The following E4F1 variants were observed in gnomAD, a reference collection of about 807,000 sequenced individuals.
E4F1 encodes transcription factor E4F1.
A neutral mutation model predicts 72.9 loss-of-function variants in E4F1; 30 were observed. That is an observed-to-expected ratio of 0.41 (90% CI 0.31 to 0.56). E4F1 has a LOEUF of 0.56. Ranked by LOEUF, E4F1 falls within the 20% of genes least tolerant of loss-of-function variation. E4F1 has a pLI of 0.25. For synonymous variants in E4F1, 542 were observed against 478.2 expected, an observed-to-expected ratio of 1.13 and a Z score of -1.74; for missense variants, 1,091 against 1,117.5, an observed-to-expected ratio of 0.98 and a Z score of 0.34.
chr16:2,233,220 C>T (rs1443885671), intron 7 of E4F1, 37 bp downstream of exon 7: 1 of 1,565,196 alleles, frequency 6.4e-7, no homozygotes, highest in South Asian at 1.2e-5. Flanking sequence ...GCTGCTCTGT[C>T]TTCTGCCTGC....
At chr16:2,229,397 C>T (rs987772566) in intron 2 of E4F1, among the ~76,000 whole-genome samples, 173 bp from the exon 3 acceptor site, 3 of 152,186 alleles carry the variant, frequency 2.0e-5, no homozygotes, top group African/African-American at 7.2e-5. Context: ...GACCGGTGGT[C>T]GTGTTGGGGA....
rs1461431749 is a variant in E4F1, at chr16:2,233,451, A to G, written c.1070A>G (p.Gln357Arg). The G allele has an allele frequency of 2.0e-6, 3 of 1,508,716 alleles. No individual in the cohort carries two copies. The highest frequency in any genetic ancestry group is 1.8e-6 in the Non-Finnish European group (2 of 1,134,522). 93.5% of individuals were successfully genotyped at this position (1,508,716 alleles called of 1,614,324 possible). Residue 357 changes from glutamine to arginine, a missense_variant, in exon 8 of 14, where the codon CAG becomes CGG. This residue lies in a region of E4F1 where 622 missense variants were observed against 628.0 expected (regional missense o/e 0.99). Transcript: ENST00000301727. ...KALAPEPPVSQELPCSSEGSR... is the reference protein window; with the variant it reads ...KALAPEPPVSRELPCSSEGSR... ...CCTCCCCTGCAGCCCCCCGTCTCCC[A>G]GGAGCTCCCCTGCTCCAGCGAGGGC...
chr16:2,232,249 G>C lies in E4F1; in HGVS notation c.494G>C (p.Ser165Thr). ...GDGEMAEAPG[S>T]PRQQGLGLAG... Reference sequence around the variant, plus strand: ...GGTGAGATGGCCGAGGCCCCGGGCAGCCCCCGCCAGCAGGGGCTGGGGCTC... The same window carrying C: ...GGTGAGATGGCCGAGGCCCCGGGCACCCCCCGCCAGCAGGGGCTGGGGCTC... The change falls in exon 4 of 14, where the codon AGC (serine) becomes ACC (threonine). Residue 165 changes from serine to threonine, a missense_variant. This residue lies in a region of E4F1 where 362 missense variants were observed against 358.6 expected (regional missense o/e 1.01). Transcript: ENST00000301727. 1 of 1,612,648 alleles carries C rather than the reference G, an allele frequency of 6.2e-7. No individual in the cohort carries two copies. The highest frequency in any genetic ancestry group is 2.2e-5 in the East Asian group (1 of 44,866).
chr16:2,235,485 AGAG>A lies in E4F1; in HGVS notation c.2271_2273del (p.Glu757del). On this transcript the variant is annotated inframe_deletion, in exon 14 of 14. Transcript: ENST00000301727. ...AGGCCACTGTGACCATGGTGTCATC[AGAG>A]GACATCGAGATCCTGGAGCATGCAG... 1 of 1,611,666 alleles carries A rather than the reference AGAG, an allele frequency of 6.2e-7. No individual in the cohort carries two copies. Among genetic ancestry groups the A allele is most frequent in the Middle Eastern group, 1.7e-4 (1 of 6,054 alleles).
intron 7 of E4F1, 105 bp downstream of exon 7, chr16:2,233,288 G>A: frequency 6.7e-7 from 1 of 1,481,690 alleles, no homozygotes; most frequent in East Asian, 2.3e-5. Flanking sequence ...GGCAGGCGAG[G>A]GCTGGGCTTC....
intron 1 of E4F1, 32 bp downstream of exon 1, chr16:2,223,802 G>A: frequency 6.5e-7 from 1 of 1,536,522 alleles, no homozygotes; most frequent in Non-Finnish European, 8.7e-7. Flanking sequence ...GTGCGGCCGG[G>A]GTGCGGGCAG....
intron 5 of E4F1, 82 bp downstream of exon 5, chr16:2,232,658 C>T (rs1181233649): frequency 3.7e-6 from 6 of 1,604,978 alleles, no homozygotes; most frequent in African/African-American, 2.7e-5. Flanking sequence ...CATTCCCCAG[C>T]TTTGGGGGAT....
chr16:2,232,674 G>C (rs1011676096), intron 5 of E4F1, 82 bp from the exon 6 acceptor site: 1 of 1,605,572 alleles, frequency 6.2e-7, no homozygotes, highest in Admixed American at 1.7e-5. Context: ...GGGATGAGGC[G>C]GGGGCCCCTG....
At chr16:2,225,811 AAAG>A (rs1275245171) in intron 1 of E4F1, among the ~76,000 whole-genome samples, 1 of 147,056 alleles carries the variant, frequency 6.8e-6, no homozygotes, top group Non-Finnish European at 1.5e-5. Flanking sequence ...AAAAAAAAAA[AAAG>A]GCTGGGCGCA....
chr16:2,224,428 C>G (rs760904825), intron 1 of E4F1, among the ~76,000 whole-genome samples: 1 of 152,216 alleles, frequency 6.6e-6, no homozygotes, highest in Non-Finnish European at 1.5e-5. Flanking sequence ...TCAAACCAGT[C>G]CTGACAGGTG....
chr16:2,224,915 TTAAAA>T (rs1329480137), intron 1 of E4F1, among the ~76,000 whole-genome samples: 1 of 151,776 alleles, frequency 6.6e-6, no homozygotes, highest in Non-Finnish European at 1.5e-5. Context: ...ATCATGGGAA[TTAAAA>T]TAAAGATTGT....
rs757139134 is a variant in E4F1, at chr16:2,232,587, C to T, written c.730+11C>T. 25 of 1,611,314 alleles carry T rather than the reference C, an allele frequency of 1.6e-5. No homozygotes were observed. The highest frequency in any genetic ancestry group is 1.3e-4 in the East Asian group (6 of 44,852). ...ACCGGCGGCACACGGGTGAGCTGGC[C>T]GCACCTCGGGCTGGAGCCCGGTAGC... On this transcript the variant is annotated intron_variant, in intron 5 of 13. Transcript: ENST00000301727.
intron 2 of E4F1, 134 bp downstream of exon 2, chr16:2,228,657 C>T (rs556792905): frequency 1.2e-4 from 138 of 1,186,170 alleles, no homozygotes; most frequent in Non-Finnish European, 1.2e-4. Context: ...CACCTGGCTG[C>T]GGTGTGGGAG....
At chr16:2,224,662 C>T (rs74367875) in intron 1 of E4F1, among the ~76,000 whole-genome samples, 3,181 of 151,618 alleles carry the variant, frequency 0.021, 51 homozygotes, top group Non-Finnish European at 0.033. Context: ...GGCGTGGTGG[C>T]GGGCGCCTGT....
chr16:2,234,626 C>T lies in E4F1; in HGVS notation c.1637C>T (p.Pro546Leu), dbSNP rs200534216. ...TTCAGGACACACCTGGAGGAGAAGC[C>T]GCACGTGTGCCAGTTCTGCAGCCGT... ...VHFRTHLEEK[P>L]HVCQFCSRGF... Residue 546 changes from proline to leucine, a missense_variant, in exon 11 of 14, where the codon CCG (proline) becomes CTG (leucine). Pro to Leu is a moderately conservative substitution (Grantham distance 98). Coordinates refer to ENST00000301727, the MANE Select transcript of E4F1 (RefSeq NM_004424.5). 28 of 1,600,696 alleles carry T rather than the reference C, an allele frequency of 1.7e-5. No individual in the cohort carries two copies. Among genetic ancestry groups the T allele is most frequent in the Admixed American group, 8.5e-5 (5 of 58,846 alleles).
At chr16:2,229,482 C>A in intron 2 of E4F1, 88 bp from the exon 3 acceptor site, 1 of 1,419,206 alleles carries the variant, frequency 7.0e-7, no homozygotes, top group Non-Finnish European at 9.8e-7. Context: ...ACCTCCACAG[C>A]TTTACACTGG....
In E4F1 at chr16:2,223,696, G is replaced by C. The variant is rs1254783224; in HGVS notation, c.83G>C (p.Gly28Ala). 2 of 1,571,310 alleles carry C rather than the reference G, an allele frequency of 1.3e-6. No homozygotes were observed. The highest frequency in any genetic ancestry group is 1.7e-6 in the Non-Finnish European group (2 of 1,168,130). The part of the protein sequence containing the change: ...QAEAGREAGE[G>A]AVAAVAAALA... ...GAAGCCGGGCGGGAAGCGGGCGAGGGTGCAGTTGCGGCGGTGGCGGCGGCC... is the reference window on the plus strand; with the variant it reads ...GAAGCCGGGCGGGAAGCGGGCGAGGCTGCAGTTGCGGCGGTGGCGGCGGCC... Residue 28 changes from glycine (G) to alanine (A), a missense_variant, in exon 1 of 14, where the codon GGT becomes GCT. Around this residue, in one of 5 missense-constraint regions of E4F1, gnomAD observed 362 missense variants for 358.6 expected, o/e 1.01. Transcript: ENST00000301727.
intron 1 of E4F1, among the ~76,000 whole-genome samples, chr16:2,226,175 GT>G (rs1160945990): frequency 1.3e-5 from 2 of 152,102 alleles, no homozygotes; most frequent in Non-Finnish European, 2.9e-5. Context: ...TCTTGTCTTT[GT>G]CCCCATAGGA....
chr16:2,232,071 T>C, intron 3 of E4F1, 100 bp from the exon 4 acceptor site: 3 of 1,472,236 alleles, frequency 2.0e-6, no homozygotes, highest in Non-Finnish European at 2.8e-6. Flanking sequence ...GGGTCCAGGG[T>C]GTGGCTCAGA....
Sources: gnomAD v4.1 joint callset for allele counts (sites outside exome capture counted in the v4.1 genomes callset) on GRCh38, gnomAD v4.1.1 for gene constraint, gnomAD v4.1.1 regional missense constraint, MANE v1.5 for transcripts, NCBI Gene and HGNC (gene_info 2026-07-23, HGNC 2026-07-21) for gene names.